Variants in SOX6 observed in about 807,000 individuals in gnomAD.
The protein encoded by SOX6 is SRY-box transcription factor 6.
A neutral mutation model predicts 97.8 loss-of-function variants in SOX6; 11 were observed. The observed-to-expected ratio is 0.11, with a 90% CI of 0.07 to 0.19. The LOEUF (loss-of-function observed/expected upper bound fraction) is 0.19, where lower values mean the gene tolerates loss of function less well. Ranked by LOEUF, SOX6 falls within the 10% of genes least tolerant of loss-of-function variation. SOX6 has a pLI of 1.00. For missense variants in SOX6, 810 were observed against 1,039.5 expected (o/e 0.78, Z 3.04); for synonymous variants, 360 against 371.4 (o/e 0.97, Z 0.35).
chr11:16,430,679 C>T lies in SOX6; in HGVS notation c.-5+45636G>A, dbSNP rs575113926. ...AGTGCCTTAATTTTGAACTTCCCAG[C>T]CTCCAGAACTGTGAAAAATAAATTT... On this transcript the variant is annotated intron_variant, in intron 1 of 15. Transcript: ENST00000396356. 2.6e-5 allele frequency among the ~76,000 whole-genome samples: 4 copies of T among 152,266 alleles called. No homozygotes were observed. In the South Asian group the frequency reaches 8.3e-4, roughly 32 times the overall value.
intron 3 of SOX6, among the ~76,000 whole-genome samples, chr11:16,640,589 C>T (rs1354007674): frequency 6.6e-6 from 1 of 152,082 alleles, no homozygotes; most frequent in Non-Finnish European, 1.5e-5. Flanking sequence ...AATTTCAGAT[C>T]CTGTTATTGG....
At chr11:16,114,905 C>G (rs1311668906) in intron 6 of SOX6, among the ~76,000 whole-genome samples, 1 of 152,160 alleles carries the variant, frequency 6.6e-6, no homozygotes, top group Non-Finnish European at 1.5e-5. Flanking sequence ...TCTTGAATCT[C>G]AGTGCCTTAA....
chr11:15,986,521 C>T (rs1292114085), intron 14 of SOX6, 101 bp from the exon 15 acceptor site: 3 of 1,135,710 alleles, frequency 2.6e-6, no homozygotes, highest in African/African-American at 1.5e-5. Flanking sequence ...CATCTGTGCG[C>T]TGGGTGGCTC....
chr11:16,447,266 G>T (rs936377127), intron 1 of SOX6, among the ~76,000 whole-genome samples: 1 of 152,112 alleles, frequency 6.6e-6, no homozygotes, highest in Non-Finnish European at 1.5e-5. Flanking sequence ...AAAGAGCACA[G>T]TCATTGAATA....
intron 3 of SOX6, among the ~76,000 whole-genome samples, chr11:16,636,716 G>A (rs1250521403): frequency 1.3e-5 from 2 of 152,120 alleles, no homozygotes; most frequent in Non-Finnish European, 2.9e-5. Flanking sequence ...CTGGTGGGAG[G>A]CAATTGAATC....
intron 3 of SOX6, among the ~76,000 whole-genome samples, chr11:16,640,129 A>G (rs1446146623): frequency 1.3e-5 from 2 of 152,272 alleles, no homozygotes; most frequent in East Asian, 1.9e-4. Context: ...AGGGCTGTTG[A>G]ATTTTGTCAA....
chr11:16,021,376 G>C (rs777947838), intron 12 of SOX6, among the ~76,000 whole-genome samples: 1 of 152,110 alleles, frequency 6.6e-6, no homozygotes, highest in Non-Finnish European at 1.5e-5. Context: ...CACTTAACCA[G>C]ACATGTGGTT....
chr11:16,464,540 A>G (rs1274132407), intron 1 of SOX6, among the ~76,000 whole-genome samples: 3 of 152,102 alleles, frequency 2.0e-5, no homozygotes. Flanking sequence ...TTACACTGTA[A>G]GTCACTTGTC....
rs1232169639 is a variant in SOX6, at chr11:15,986,386, C to T, written c.2001G>A (p.Lys667=). 2.5e-6 allele frequency: 4 copies of T among 1,614,044 alleles called. No individual in the cohort carries two copies. Among genetic ancestry groups the T allele is most frequent in the Non-Finnish European group, 3.4e-6 (4 of 1,179,990 alleles). The change falls in exon 15 of 16, where the codon AAG becomes AAA. Residue 667 remains lysine, a synonymous_variant. Coordinates refer to ENST00000683767, the MANE Select transcript of SOX6 (RefSeq NM_001367873.1). ...SRWKSMSNQE[K]QPYYEEQARL... ...GGGCCTGCTCTTCATAATAAGGTTG[C>T]TTCTCCTGGTTGGACATTGATTTCC...
At chr11:16,447,740 C>T (rs897391546) in intron 1 of SOX6, among the ~76,000 whole-genome samples, 1 of 152,070 alleles carries the variant, frequency 6.6e-6, no homozygotes, top group African/African-American at 2.4e-5. Context: ...AAAAAATTTG[C>T]TTACTTTAAT....
intron 3 of SOX6, among the ~76,000 whole-genome samples, chr11:16,692,990 T>A (rs1313329021): frequency 1.3e-5 from 2 of 152,206 alleles, no homozygotes; most frequent in African/African-American, 4.8e-5. Context: ...TAATAATTAT[T>A]CTCTTACTGT....
chr11:16,508,921 A>T (rs1198292000), intron 4 of SOX6, among the ~76,000 whole-genome samples: 1 of 152,136 alleles, frequency 6.6e-6, no homozygotes, highest in Non-Finnish European at 1.5e-5. Flanking sequence ...CTCTAGGCTT[A>T]TAAGAAAATA....
At chr11:16,037,488 CT>C (rs1288596459) in intron 12 of SOX6, among the ~76,000 whole-genome samples, 2 of 152,180 alleles carry the variant, frequency 1.3e-5, no homozygotes, top group African/African-American at 2.4e-5. Flanking sequence ...GGAGTTCCAC[CT>C]ACAGAACTGG....
At chr11:16,536,775 G>C (rs1398245758) in intron 4 of SOX6, among the ~76,000 whole-genome samples, 1 of 152,212 alleles carries the variant, frequency 6.6e-6, no homozygotes, top group Non-Finnish European at 1.5e-5. Context: ...GCTGAGGCTT[G>C]AGTAGGTAAA....
At chr11:16,018,587 G>A (rs1422866523) in intron 12 of SOX6, among the ~76,000 whole-genome samples, 1 of 151,986 alleles carries the variant, frequency 6.6e-6, no homozygotes, top group African/African-American at 2.4e-5. Flanking sequence ...GATGTGCACA[G>A]TATATTTTAA....
chr11:16,402,623 C>A (rs183805233), intron 1 of SOX6: 5 of 1,583,910 alleles, frequency 3.2e-6, no homozygotes, highest in Non-Finnish European at 4.3e-6. Flanking sequence ...TGAAGTTACC[C>A]TTTCATTTTT....
At chr11:16,575,882 A>T (rs1335455524) in intron 4 of SOX6, among the ~76,000 whole-genome samples, 1 of 152,200 alleles carries the variant, frequency 6.6e-6, no homozygotes, top group Admixed American at 6.5e-5. Context: ...GATTCACATA[A>T]CTATTAGTTA....
At chr11:16,730,635 A>G (rs1848342466) in intron 2 of SOX6, among the ~76,000 whole-genome samples, 1 of 152,264 alleles carries the variant, frequency 6.6e-6, no homozygotes, top group African/African-American at 2.4e-5. Flanking sequence ...TGCCCACAAG[A>G]GAAAGCAGGA....
chr11:16,122,032 A>G (rs969072762), intron 6 of SOX6, among the ~76,000 whole-genome samples: 1 of 152,030 alleles, frequency 6.6e-6, no homozygotes, highest in Non-Finnish European at 1.5e-5. Flanking sequence ...TGGGTATTTT[A>G]TTCAGATTCG....
Sources: gnomAD v4.1 joint callset for allele counts (sites outside exome capture counted in the v4.1 genomes callset) on GRCh38, gnomAD v4.1.1 for gene constraint, MANE v1.5 for transcripts, NCBI Gene and HGNC (gene_info 2026-07-23, HGNC 2026-07-21) for gene names.